Variants in SORCS2 observed in about 807,000 individuals in gnomAD.
SORCS2 encodes the protein VPS10 domain-containing receptor SorCS2.
In SORCS2, 100 loss-of-function variants were observed where a neutral mutation model predicts 141.6. That is an observed-to-expected ratio of 0.71 (90% CI 0.60 to 0.83). SORCS2 has a LOEUF of 0.83. Ranked by LOEUF, SORCS2 falls within the 40% of genes least tolerant of loss-of-function variation. The pLI is 0.00. For synonymous variants in SORCS2, 789 were observed against 676.9 expected, an observed-to-expected ratio of 1.17 and a Z score of -2.57; for missense variants, 1,646 against 1,560.2, an observed-to-expected ratio of 1.05 and a Z score of -0.93.
intron 1 of SORCS2, among the ~76,000 whole-genome samples, chr4:7,208,826 AGAGAGGGACTCT>A (rs1727894124): frequency 6.6e-6 from 1 of 152,224 alleles, no homozygotes; most frequent in Non-Finnish European, 1.5e-5. Flanking sequence ...TTCTGAGCAC[AGAGAGGGACTCT>A]GAGAGGCTGC....
At chr4:7,403,995 ATATTTTTTTTTT>A (rs1458667974) in intron 2 of SORCS2, among the ~76,000 whole-genome samples, 1,204 of 9,546 alleles carry the variant, frequency 0.13, 96 homozygotes, top group East Asian at 0.43. Context: ...ATATATATAT[ATATTTTTTTTTT>A]TTTTTTAGTA....
chr4:7,342,457 T>C (rs1408958819), intron 1 of SORCS2, among the ~76,000 whole-genome samples: 1 of 152,204 alleles, frequency 6.6e-6, no homozygotes, highest in Non-Finnish European at 1.5e-5. Flanking sequence ...CCCTGGTGAA[T>C]CCGAGGGGGA....
At chr4:7,536,666 A>C (rs1712148275) in intron 3 of SORCS2, among the ~76,000 whole-genome samples, 1 of 152,170 alleles carries the variant, frequency 6.6e-6, no homozygotes, top group South Asian at 2.1e-4. Flanking sequence ...CTGGGCTGGG[A>C]CACTTCTGGG....
intron 2 of SORCS2, among the ~76,000 whole-genome samples, chr4:7,513,132 G>C (rs529912111): frequency 6.6e-6 from 1 of 152,330 alleles, no homozygotes; most frequent in South Asian, 2.1e-4. Flanking sequence ...GTGGGATTCT[G>C]TGCAAGTCCT....
intron 20 of SORCS2, 136 bp downstream of exon 20, chr4:7,725,423 T>TG (rs1164554376): frequency 1.6e-5 from 20 of 1,287,562 alleles, no homozygotes; most frequent in Non-Finnish European, 1.9e-5. Context: ...GGGCCCCTCC[T>TG]GGGGCAGTTG....
chr4:7,650,100 T>C (rs1056820155), intron 4 of SORCS2, among the ~76,000 whole-genome samples: 7 of 152,226 alleles, frequency 4.6e-5, no homozygotes, highest in African/African-American at 1.7e-4. Context: ...TGATTCATTC[T>C]AGACAGATGC....
chr4:7,659,069 T>C (rs1344386084), intron 5 of SORCS2, among the ~76,000 whole-genome samples: 2 of 152,142 alleles, frequency 1.3e-5, no homozygotes, highest in Non-Finnish European at 2.9e-5. Context: ...ATGTGTGTGA[T>C]AACAAACATG....
chr4:7,193,078 C>T lies in SORCS2; in HGVS notation c.432C>T (p.Asp144=), dbSNP rs1202727297. The T allele has an allele frequency of 1.9e-6, 3 of 1,560,860 alleles. No homozygotes were observed. The African/African-American group carries it at 4.2e-5, about 22-fold the overall frequency. ...GCACGTCGTTCGTGCTCAAGGGGGA[C>T]GCGACGCACAACCAGGCGATGGTGC... ...LISTSFVLKG[D]ATHNQAMVHW... is the part of the protein sequence containing the mutation. The change falls in exon 1 of 27, where the codon GAC becomes GAT. Residue 144 remains aspartate, a synonymous_variant. Transcript: ENST00000507866. The surrounding 1 kb of genome is among the most constrained non-coding windows in gnomAD (Gnocchi z 4.8).
intron 1 of SORCS2, among the ~76,000 whole-genome samples, chr4:7,199,285 G>A (rs1481293134): frequency 6.6e-6 from 1 of 152,202 alleles, no homozygotes; most frequent in Non-Finnish European, 1.5e-5. Context: ...CAATTCAGGA[G>A]GAGCGAAGTG....
intron 17 of SORCS2, among the ~76,000 whole-genome samples, chr4:7,716,654 C>G (rs1235016636): frequency 6.6e-6 from 1 of 150,832 alleles, no homozygotes; most frequent in African/African-American, 2.4e-5. Context: ...TCCATCTATC[C>G]ATCCACCATC....
intron 3 of SORCS2, among the ~76,000 whole-genome samples, chr4:7,580,602 A>G (rs1716078553): frequency 6.6e-6 from 1 of 152,218 alleles, no homozygotes; most frequent in African/African-American, 2.4e-5. Flanking sequence ...AATGGTAACA[A>G]TATTCTTACA....
In SORCS2 at chr4:7,388,420, A is replaced by G. The variant is rs186260815; in HGVS notation, c.481-7868A>G. On this transcript the variant is annotated intron_variant, in intron 1 of 26. Transcript: ENST00000507866. The stretch of plus-strand genomic sequence containing the variant: ...GGGGGAGGGGAAATGGAGGCTTTGA[A>G]AGGAGGAGTCTTCTTTATTTTATTT... 4.5e-4 allele frequency among the ~76,000 whole-genome samples: 69 copies of G among 152,274 alleles called. 2 individuals carry two copies. The highest frequency in any genetic ancestry group is 3.8e-3 in the Admixed American group (58 of 15,302).
rs1195519753 is a variant in SORCS2 at position 7,679,956 on chromosome 4, T to C, written c.1342-2787T>C. Among the ~76,000 whole-genome samples the C allele has an allele frequency of 2.0e-5, 3 of 152,118 alleles. No homozygotes were observed. The East Asian group carries it at 5.8e-4, about 29-fold the overall frequency. ...GGGATATAAAATGGCAGTTACCCAATAACACAAACCATCATGGGAAAATCA... is the reference window on the plus strand; with the variant it reads ...GGGATATAAAATGGCAGTTACCCAACAACACAAACCATCATGGGAAAATCA... On this transcript the variant is annotated intron_variant, in intron 9 of 26. Coordinates refer to ENST00000507866, the MANE Select transcript of SORCS2 (RefSeq NM_020777.3).
chr4:7,597,511 A>G (rs1362234260), intron 3 of SORCS2, among the ~76,000 whole-genome samples: 1 of 139,160 alleles, frequency 7.2e-6, no homozygotes, highest in African/African-American at 2.7e-5. Context: ...GGGACATGCA[A>G]TGAGAGGTTA....
chr4:7,721,453 G>A (rs1726585979), intron 18 of SORCS2, among the ~76,000 whole-genome samples: 1 of 152,058 alleles, frequency 6.6e-6, no homozygotes, highest in South Asian at 2.1e-4. Flanking sequence ...GCAACAGAGT[G>A]AGATCCCGTC....
rs143982371 is a variant in SORCS2 at position 7,255,594 on chromosome 4, C to T, written c.480+62468C>T. On this transcript the variant is annotated intron_variant, in intron 1 of 26. Transcript: ENST00000507866. ...GTGGTCCAGAGACAGGCCTGAGTTC[C>T]GGGGCTCAAGAAGCTGGTTAGCCTC... Among the ~76,000 whole-genome samples the T allele has an allele frequency of 5.8e-3, 886 of 152,252 alleles. 11 individuals are homozygous for T. Among genetic ancestry groups the T allele is most frequent in the African/African-American group, 0.02 (828 of 41,558 alleles).
chr4:7,308,946 C>G (rs1439421560), intron 1 of SORCS2, among the ~76,000 whole-genome samples: 1 of 152,190 alleles, frequency 6.6e-6, no homozygotes, highest in Non-Finnish European at 1.5e-5. Flanking sequence ...TGCTCTCTGG[C>G]CCTCTCCTAC....
chr4:7,511,060 A>G (rs1015109697), intron 2 of SORCS2, among the ~76,000 whole-genome samples: 2 of 152,166 alleles, frequency 1.3e-5, no homozygotes, highest in African/African-American at 4.8e-5. Flanking sequence ...CACTCTTGAC[A>G]CTATCTCAGG....
intron 2 of SORCS2, among the ~76,000 whole-genome samples, chr4:7,486,731 G>A (rs1248136580): frequency 2.0e-5 from 3 of 152,194 alleles, no homozygotes; most frequent in Non-Finnish European, 4.4e-5. Flanking sequence ...CCGGCTTCTA[G>A]TGGCTCCAGG....
Sources: allele counts gnomAD v4.1 joint callset (sites outside exome capture counted in the v4.1 genomes callset), GRCh38; gene constraint gnomAD v4.1.1; non-coding constraint Gnocchi (gnomAD v3.1); transcripts MANE v1.5; gene names NCBI Gene and HGNC (gene_info 2026-07-23, HGNC 2026-07-21).